The following SLC30A7 variants were observed in gnomAD, a reference collection of about 807,000 sequenced individuals.
The protein encoded by SLC30A7 is zinc transporter 7.
Under a neutral mutation model 46.0 loss-of-function variants are expected in SLC30A7, and 35 were observed. That is an observed-to-expected ratio of 0.76 (90% CI 0.58 to 1.01). The LOEUF (loss-of-function observed/expected upper bound fraction) is 1.01, where lower values mean the gene tolerates loss of function less well. Ranked by LOEUF, SLC30A7 falls within the 50% of genes least tolerant of loss-of-function variation. SLC30A7 has a pLI of 0.00. For missense variants in SLC30A7, 464 were observed against 451.1 expected (o/e 1.03, Z -0.26); for synonymous variants, 147 against 157.8 (o/e 0.93, Z 0.51).
intron 8 of SLC30A7, among the ~76,000 whole-genome samples, chr1:100,956,788 G>T (rs1049503465): frequency 1.3e-5 from 2 of 151,992 alleles, no homozygotes; most frequent in Non-Finnish European, 1.5e-5. Flanking sequence ...ACTTTTAAAG[G>T]TATGTTTAAA....
At chr1:100,899,601 T>C (rs907680728) in intron 2 of SLC30A7, among the ~76,000 whole-genome samples, 1 of 152,090 alleles carries the variant, frequency 6.6e-6, no homozygotes, top group Non-Finnish European at 1.5e-5. Flanking sequence ...CAGCATCCCT[T>C]GAACCTGGGA....
At position 100,896,227 on chromosome 1, in the gene SLC30A7, A is replaced by C. The variant is rs758317655; in HGVS notation, c.-36A>C. 1.3e-6 allele frequency: 2 copies of C among 1,599,968 alleles called. No individual in the cohort carries two copies. The highest frequency in any genetic ancestry group is 2.7e-5 in the African/African-American group (2 of 74,634). On this transcript the variant is annotated 5_prime_UTR_variant, in exon 1 of 11. Transcript: ENST00000357650. The stretch of plus-strand genomic sequence containing the variant: ...CATCACCCCACGGAGCCACTTCTAG[A>C]GGGGAGTAGACCCGGCCCTTCGCCG...
the SLC30A7 span, among the ~76,000 whole-genome samples, chr1:100,992,339 C>A: frequency 6.6e-6 from 1 of 152,100 alleles, no homozygotes; most frequent in African/African-American, 2.4e-5. Flanking sequence ...ATATATTTTA[C>A]AAAAATATTT....
chr1:100,907,389 T>C (rs1244739248), intron 3 of SLC30A7, among the ~76,000 whole-genome samples: 1 of 152,206 alleles, frequency 6.6e-6, no homozygotes, highest in African/African-American at 2.4e-5. Flanking sequence ...ACAGTTCTTA[T>C]ATGCTTGCCG....
At chr1:100,907,622 GTTTC>G (rs1198419554) in intron 3 of SLC30A7, among the ~76,000 whole-genome samples, 1 of 152,064 alleles carries the variant, frequency 6.6e-6, no homozygotes, top group Non-Finnish European at 1.5e-5. Context: ...TGCATACTCT[GTTTC>G]TTTCTCTTCC....
intron 8 of SLC30A7, among the ~76,000 whole-genome samples, chr1:100,935,879 C>T (rs1187345974): frequency 6.6e-6 from 1 of 152,090 alleles, no homozygotes; most frequent in East Asian, 1.9e-4. Flanking sequence ...TTAGTCATCC[C>T]ACTTTACAAT....
intron 8 of SLC30A7, among the ~76,000 whole-genome samples, chr1:100,927,457 A>G (rs1469117441): frequency 2.0e-5 from 3 of 152,134 alleles, no homozygotes; most frequent in South Asian, 2.1e-4. Flanking sequence ...CTGATCAGAC[A>G]GAGTAGCTTC....
chr1:100,912,884 A>G (rs1363566879), intron 5 of SLC30A7, among the ~76,000 whole-genome samples: 1 of 147,668 alleles, frequency 6.8e-6, no homozygotes, highest in Non-Finnish European at 1.5e-5. Flanking sequence ...TCTAAAAAAA[A>G]AAAAAAGTGT....
chr1:100,911,261 T>G, intron 4 of SLC30A7, 111 bp downstream of exon 4: 1 of 718,196 alleles, frequency 1.4e-6, no homozygotes, highest in South Asian at 2.0e-5. Context: ...TTGTGGACAA[T>G]CTTAGATTAG....
chr1:100,992,631 G>T, the SLC30A7 span: 2 of 1,610,826 alleles, frequency 1.2e-6, no homozygotes, highest in East Asian at 4.5e-5. Context: ...CTAGTGTCTT[G>T]AGTACCTGGT....
At chr1:100,905,861 G>A (rs1485436563) in intron 2 of SLC30A7, among the ~76,000 whole-genome samples, 2 of 151,990 alleles carry the variant, frequency 1.3e-5, no homozygotes, top group Non-Finnish European at 2.9e-5. Flanking sequence ...CTATCTAATA[G>A]TTCCAACATT....
intron 3 of SLC30A7, among the ~76,000 whole-genome samples, chr1:100,909,423 G>C (rs1199781324): frequency 6.6e-6 from 1 of 152,030 alleles, no homozygotes; most frequent in Non-Finnish European, 1.5e-5. Flanking sequence ...TAGGTAGATA[G>C]ATACATACAT....
the SLC30A7 span, chr1:100,995,548 TAA>T: frequency 6.4e-6 from 1 of 155,964 alleles, no homozygotes. Context: ...TTTCCACATT[TAA>T]AAAAGTCTTT....
intron 9 of SLC30A7, among the ~76,000 whole-genome samples, chr1:100,963,177 A>G (rs1198463874): frequency 5.9e-5 from 9 of 152,248 alleles, no homozygotes; most frequent in African/African-American, 2.2e-4. Context: ...AATAACATCT[A>G]AAACATCAAG....
At chr1:100,957,091 A>C (rs1279468613) in intron 8 of SLC30A7, among the ~76,000 whole-genome samples, 1 of 152,186 alleles carries the variant, frequency 6.6e-6, no homozygotes, top group Non-Finnish European at 1.5e-5. Flanking sequence ...GTTGACTTGA[A>C]CTTTTCAAAA....
chr1:100,941,961 C>G (rs1654375387), intron 8 of SLC30A7: 4 of 283,694 alleles, frequency 1.4e-5, no homozygotes, highest in Non-Finnish European at 2.7e-5. Context: ...GCTTCCACAG[C>G]CATTCGGGCT....
intron 8 of SLC30A7, among the ~76,000 whole-genome samples, chr1:100,929,093 A>AGTGT (rs71084856): frequency 0.033 from 4,903 of 149,270 alleles, 92 homozygotes; most frequent in Middle Eastern, 0.055. Flanking sequence ...ATATATAGAG[A>AGTGT]GTGTGTGTGT....
chr1:100,910,948 G>T lies in SLC30A7; in HGVS notation c.297-115G>T, dbSNP rs534164382. 29 of 735,236 alleles carry T rather than the reference G, an allele frequency of 3.9e-5. No individual in the cohort carries two copies. The South Asian group carries it at 4.5e-4, about 12-fold the overall frequency. 45.5% of individuals were successfully genotyped at this position (735,236 alleles called of 1,614,324 possible). A position where few individuals can be genotyped will look rare whatever the true frequency, so the allele number is the denominator to read the frequency against. ...ACTGTACTATAAACACTAGGGCTTC[G>T]CTGGCCACTTATAACCATGTAATAT... On this transcript the variant is annotated intron_variant, in intron 3 of 10. Coordinates refer to ENST00000357650, the MANE Select transcript of SLC30A7 (RefSeq NM_133496.5).
intron 8 of SLC30A7, among the ~76,000 whole-genome samples, chr1:100,947,259 GTTGTTTTCA>G (rs1408819496): frequency 3.3e-5 from 5 of 152,062 alleles, no homozygotes; most frequent in African/African-American, 1.2e-4. Flanking sequence ...ACATTGTGTC[GTTGTTTTCA>G]TTGGTTTCTA....
Sources: gnomAD v4.1 joint callset for allele counts (sites outside exome capture counted in the v4.1 genomes callset) on GRCh38, gnomAD v4.1.1 for gene constraint, MANE v1.5 for transcripts, NCBI Gene and HGNC (gene_info 2026-07-23, HGNC 2026-07-21) for gene names.